Variants in PCDH15 observed in about 807,000 individuals in gnomAD.
PCDH15 encodes protocadherin-15.
A neutral mutation model predicts 178.5 loss-of-function variants in PCDH15; 129 were observed. The ratio of observed to expected loss-of-function variants is 0.72; its 90% CI spans 0.63 to 0.84. The LOEUF (loss-of-function observed/expected upper bound fraction) is 0.84, where lower values mean the gene tolerates loss of function less well. Among genes scored for constraint, PCDH15 ranks in the 40% least tolerant of loss-of-function variants. The pLI, the probability that PCDH15 is intolerant of heterozygous loss-of-function variation, is 0.00. For synonymous variants in PCDH15, 800 were observed against 732.0 expected (o/e 1.09, Z -1.50); for missense variants, 2,230 against 2,099.9 (o/e 1.06, Z -1.21).
chr10:54,405,204 A>C (rs1014573029), intron 3 of PCDH15, among the ~76,000 whole-genome samples: 1 of 152,098 alleles, frequency 6.6e-6, no homozygotes, highest in African/African-American at 2.4e-5. Flanking sequence ...CATGCATGTA[A>C]ATGTTCATTG....
At position 55,439,413 on chromosome 10, in the gene PCDH15, G is replaced by A. The variant is rs541161689; in HGVS notation, c.-156+188212C>T. 1.4e-3 allele frequency among the ~76,000 whole-genome samples: 218 copies of A among 151,838 alleles called. 2 individuals are homozygous for A. The highest frequency in any genetic ancestry group is 4.5e-3 in the African/African-American group (187 of 41,460). On this transcript the variant is annotated intron_variant, in intron 2 of 5. Coordinates refer to the PCDH15 transcript ENST00000613346. ...TGCCACAATAGAATTAACATTGTGC[G>A]CAAGAGCCACTATTACCAGAGAACC...
chr10:53,985,321 A>G (rs1677572139), intron 21 of PCDH15, among the ~76,000 whole-genome samples: 1 of 152,168 alleles, frequency 6.6e-6, no homozygotes, highest in Non-Finnish European at 1.5e-5. Context: ...CTGCACCAGA[A>G]GTTCACAGGG....
intron 10 of PCDH15, among the ~76,000 whole-genome samples, chr10:54,196,433 C>T (rs986871223): frequency 3.9e-5 from 6 of 152,134 alleles, no homozygotes; most frequent in African/African-American, 7.2e-5. Context: ...TGAGCCACCG[C>T]GCCCAGCCAA....
chr10:54,502,061 C>G (rs2080746375), intron 3 of PCDH15, among the ~76,000 whole-genome samples: 1 of 151,690 alleles, frequency 6.6e-6, no homozygotes, highest in African/African-American at 2.4e-5. Context: ...TCTCTTCCTC[C>G]TCTGTCTTTA....
chr10:53,975,357 A>C (rs1350247974), intron 21 of PCDH15, among the ~76,000 whole-genome samples: 1 of 152,210 alleles, frequency 6.6e-6, no homozygotes, highest in Non-Finnish European at 1.5e-5. Flanking sequence ...AGAAATCTCC[A>C]AACTGCTTTC....
At chr10:55,345,575 A>C (rs755991167) in intron 2 of PCDH15, among the ~76,000 whole-genome samples, 1 of 152,118 alleles carries the variant, frequency 6.6e-6, no homozygotes, top group Non-Finnish European at 1.5e-5. Flanking sequence ...TAAAATTTAC[A>C]GTAGTTTAAA....
chr10:53,975,373 TG>T (rs2090100342), intron 21 of PCDH15, among the ~76,000 whole-genome samples: 1 of 152,224 alleles, frequency 6.6e-6, no homozygotes, highest in Non-Finnish European at 1.5e-5. Flanking sequence ...CTTTCCACAG[TG>T]GCTGAATTAA....
chr10:54,993,721 C>T (rs1365870311), intron 2 of PCDH15, among the ~76,000 whole-genome samples: 1 of 152,048 alleles, frequency 6.6e-6, no homozygotes, highest in Non-Finnish European at 1.5e-5. Flanking sequence ...ATAACAAGAA[C>T]ATGCTGAGAT....
At chr10:55,199,068 T>C (rs138379771) in intron 1 of PCDH15, among the ~76,000 whole-genome samples, 2 of 152,134 alleles carry the variant, frequency 1.3e-5, no homozygotes, top group East Asian at 3.9e-4. Context: ...CCTGAAAAGG[T>C]GGAAGCAACT....
chr10:54,893,666 TG>T (rs1954501837), intron 3 of PCDH15, among the ~76,000 whole-genome samples: 1 of 152,072 alleles, frequency 6.6e-6, no homozygotes, highest in Admixed American at 6.6e-5. Flanking sequence ...GAAAAAGAGT[TG>T]GGTATGTAAA....
In PCDH15 at chr10:55,214,098, T is replaced by C. The variant is rs550681022; in HGVS notation, c.-155-47447A>G. 3.3e-3 allele frequency among the ~76,000 whole-genome samples: 497 copies of C among 152,102 alleles called. 1 individual carries two copies. Among genetic ancestry groups the C allele is most frequent in the Non-Finnish European group, 5.3e-3 (359 of 67,950 alleles). On this transcript the variant is annotated intron_variant, in intron 1 of 5. Coordinates refer to the PCDH15 transcript ENST00000458638. ...TTATTGATTTCTAGCTTAAGTGCAT[T>C]GTGTTCAAAGAACATATTCTCTATG...
chr10:54,230,896 A>C (rs1338764079), intron 9 of PCDH15, among the ~76,000 whole-genome samples: 1 of 152,170 alleles, frequency 6.6e-6, no homozygotes, highest in African/African-American at 2.4e-5. Context: ...TAATACTACA[A>C]GCTACTGTTA....
chr10:54,640,936 T>C (rs932550893), intron 2 of PCDH15: 1 of 158,368 alleles, frequency 6.3e-6, no homozygotes, highest in African/African-American at 2.4e-5. Flanking sequence ...AAATCTCATC[T>C]CTACTAAAAA....
intron 11 of PCDH15, chr10:54,189,319 G>A: frequency 4.0e-6 from 6 of 1,518,510 alleles, no homozygotes; most frequent in Non-Finnish European, 3.6e-6. Flanking sequence ...ATAAACCACA[G>A]CAATTAACAA....
intron 8 of PCDH15, among the ~76,000 whole-genome samples, chr10:54,253,950 A>T (rs1038660201): frequency 6.6e-6 from 1 of 152,118 alleles, no homozygotes; most frequent in Non-Finnish European, 1.5e-5. Flanking sequence ...AAAAATTTTA[A>T]ACATATACAG....
chr10:54,035,783 T>C (rs1157503780), intron 18 of PCDH15, among the ~76,000 whole-genome samples: 1 of 151,980 alleles, frequency 6.6e-6, no homozygotes, highest in African/African-American at 2.4e-5. Flanking sequence ...GAAAGGTAGG[T>C]CAAAAGCTGA....
intron 2 of PCDH15, among the ~76,000 whole-genome samples, chr10:54,962,395 G>A (rs1838679168): frequency 6.6e-6 from 1 of 152,052 alleles, no homozygotes; most frequent in South Asian, 2.1e-4. Flanking sequence ...ACATAAATGG[G>A]CTGAAACATA....
chr10:55,200,479 GA>G (rs1591985020), intron 1 of PCDH15, among the ~76,000 whole-genome samples: 2 of 152,232 alleles, frequency 1.3e-5, no homozygotes, highest in East Asian at 3.9e-4. Context: ...CTCATAGGTG[GA>G]AGGGAATTGC....
intron 1 of PCDH15, among the ~76,000 whole-genome samples, chr10:55,268,067 C>G (rs1371244365): frequency 3.3e-5 from 5 of 152,138 alleles, no homozygotes; most frequent in Admixed American, 6.6e-5. Flanking sequence ...TGTTATAACT[C>G]TCCCTCAAAG....
Sources: allele counts gnomAD v4.1 joint callset (sites outside exome capture counted in the v4.1 genomes callset), GRCh38; gene constraint gnomAD v4.1.1; transcripts MANE v1.5; gene names NCBI Gene and HGNC (gene_info 2026-07-23, HGNC 2026-07-21).